The following CNOT4 variants were observed in gnomAD, a reference collection of about 807,000 sequenced individuals.
CNOT4 encodes the protein CCR4-NOT transcription complex subunit 4.
CNOT4 carries 8 observed loss-of-function variants against 73.8 expected under a neutral mutation model. That is an observed-to-expected ratio of 0.11 (90% CI 0.06 to 0.20). The LOEUF (loss-of-function observed/expected upper bound fraction) is 0.20. Ranked by LOEUF, CNOT4 falls within the 10% of genes least tolerant of loss-of-function variation. The pLI is 1.00. For missense variants in CNOT4, 564 were observed against 883.4 expected, an observed-to-expected ratio of 0.64 and a Z score of 4.58; for synonymous variants, 293 against 321.1, an observed-to-expected ratio of 0.91 and a Z score of 0.94.
intron 1 of CNOT4, among the ~76,000 whole-genome samples, chr7:135,453,357 A>C (rs1450167980): frequency 1.3e-5 from 2 of 152,036 alleles, no homozygotes; most frequent in African/African-American, 2.4e-5. Flanking sequence ...TCAGCTAGTC[A>C]CTTACATTCT....
intron 1 of CNOT4, among the ~76,000 whole-genome samples, chr7:135,451,482 T>C (rs1199807502): frequency 6.6e-6 from 1 of 152,010 alleles, no homozygotes; most frequent in Non-Finnish European, 1.5e-5. Context: ...TTAGTAGAAA[T>C]GGGGTTTCAT....
chr7:135,442,449 AT>A (rs1486391330), intron 1 of CNOT4, among the ~76,000 whole-genome samples: 1 of 151,960 alleles, frequency 6.6e-6, no homozygotes, highest in East Asian at 2.0e-4. Flanking sequence ...ATACAAAAAA[AT>A]TAGCCGAGCG....
At chr7:135,405,556 C>T (rs1339693951) in intron 7 of CNOT4, among the ~76,000 whole-genome samples, 1 of 152,180 alleles carries the variant, frequency 6.6e-6, no homozygotes, top group Admixed American at 6.5e-5. Context: ...TCACTTCCCA[C>T]TCTCATTACT....
At chr7:135,496,979 T>A (rs533780291) in intron 1 of CNOT4, among the ~76,000 whole-genome samples, 106 of 152,082 alleles carry the variant, frequency 7.0e-4, no homozygotes, top group Non-Finnish European at 1.1e-3. Flanking sequence ...GATAATTATT[T>A]TTTTTTTTTA....
intron 8 of CNOT4, 116 bp downstream of exon 8, chr7:135,398,053 A>G: frequency 1.5e-6 from 1 of 685,046 alleles, no homozygotes; most frequent in East Asian, 2.7e-5. Flanking sequence ...AAAGATGAGC[A>G]TCAAAAGTGT....
chr7:135,466,333 G>A (rs558552369), intron 1 of CNOT4, among the ~76,000 whole-genome samples: 4 of 151,560 alleles, frequency 2.6e-5, no homozygotes, highest in African/African-American at 7.3e-5. Flanking sequence ...AATTAGCCAG[G>A]CGTGGTGGCA....
intron 1 of CNOT4, among the ~76,000 whole-genome samples, chr7:135,507,479 A>T (rs1256235057): frequency 1.3e-5 from 2 of 152,232 alleles, no homozygotes; most frequent in Non-Finnish European, 2.9e-5. Context: ...TCTTCTTTAA[A>T]CGTACTAAAG....
At chr7:135,500,239 A>G (rs190041337) in intron 1 of CNOT4, among the ~76,000 whole-genome samples, 1 of 152,334 alleles carries the variant, frequency 6.6e-6, no homozygotes, top group East Asian at 1.9e-4. Flanking sequence ...CATGCTACAT[A>G]CAGTAGAGGA....
chr7:135,413,421 A>C, intron 6 of CNOT4, 67 bp downstream of exon 6: 1 of 1,557,682 alleles, frequency 6.4e-7, no homozygotes, highest in Non-Finnish European at 8.7e-7. Context: ...TGCTTTTGCA[A>C]TGTTAACTAA....
intron 1 of CNOT4, among the ~76,000 whole-genome samples, chr7:135,473,977 T>C (rs911422168): frequency 1.3e-4 from 20 of 149,274 alleles, no homozygotes; most frequent in African/African-American, 4.8e-4. Context: ...TTTTGTCTTT[T>C]TGTGGTTTTT....
intron 10 of CNOT4, among the ~76,000 whole-genome samples, chr7:135,369,310 T>C (rs985278539): frequency 6.6e-6 from 1 of 152,176 alleles, no homozygotes; most frequent in African/African-American, 2.4e-5. Flanking sequence ...CAAATCAGGA[T>C]ATTGTGCCGT....
At position 135,419,729 on chromosome 7, in the gene CNOT4, T is replaced by G. The variant is rs1585615312; in HGVS notation, c.372+2427A>C. On this transcript the variant is annotated intron_variant, in intron 3 of 11. Transcript: ENST00000541284. ...TAAGATTAATCTTACTAGAGTTACT[T>G]GAAACGGAAATAAGAAATCTCTGTA... Among the ~76,000 whole-genome samples the G allele has an allele frequency of 2.6e-5, 4 of 152,168 alleles. No individual in the cohort carries two copies. The East Asian group carries it at 5.8e-4, about 22-fold the overall frequency.
At chr7:135,408,868 G>A (rs1395519219) in intron 7 of CNOT4, among the ~76,000 whole-genome samples, 2 of 152,180 alleles carry the variant, frequency 1.3e-5, no homozygotes, top group Non-Finnish European at 2.9e-5. Flanking sequence ...TGGAGGGCAT[G>A]CTGTACACAA....
chr7:135,406,932 T>C lies in CNOT4; in HGVS notation c.821+3583A>G, dbSNP rs148816197. Among the ~76,000 whole-genome samples, 70 of 152,362 alleles carry C rather than the reference T, an allele frequency of 4.6e-4. 1 individual carries two copies. The East Asian group carries it at 0.01, about 22-fold the overall frequency. On this transcript the variant is annotated intron_variant, in intron 7 of 11. Transcript: ENST00000541284. ...AAGTAAATAATATAGTTTGAATGTA[T>C]GTCCCCACCAAATCTCCTGTTGAAT...
At chr7:135,454,180 A>C (rs1408286697) in intron 1 of CNOT4, among the ~76,000 whole-genome samples, 3 of 151,918 alleles carry the variant, frequency 2.0e-5, no homozygotes, top group Non-Finnish European at 4.4e-5. Context: ...CCTCACTTCT[A>C]TTATGACTCA....
At position 135,489,738 on chromosome 7, in the gene CNOT4, T is replaced by G. The variant is rs537787127; in HGVS notation, c.-93+20151A>C. Among the ~76,000 whole-genome samples, 24 of 152,226 alleles carry G rather than the reference T, an allele frequency of 1.6e-4. No individual in the cohort carries two copies. The South Asian group carries it at 2.1e-3, about 13-fold the overall frequency. ...GTGCTCAGTAGTCCCATATGGCTAG[T>G]GGGTACCATACTGGACAATAAAGGT... On this transcript the variant is annotated intron_variant, in intron 1 of 11. Coordinates refer to ENST00000541284, the MANE Select transcript of CNOT4 (RefSeq NM_001190850.2).
At chr7:135,476,319 C>T (rs1341447918) in intron 1 of CNOT4, among the ~76,000 whole-genome samples, 2 of 152,162 alleles carry the variant, frequency 1.3e-5, no homozygotes, top group African/African-American at 2.4e-5. Context: ...TGGTAATACA[C>T]ACAATCACAC....
In CNOT4 at chr7:135,395,689, T is replaced by C. The variant is rs1796640268; in HGVS notation, c.1074A>G (p.Pro358=). Residue 358 remains proline (P), a synonymous_variant, in exon 9 of 12, where the codon CCA becomes CCG. Coordinates refer to ENST00000541284, the MANE Select transcript of CNOT4 (RefSeq NM_001190850.2). ...PSGLPPFPSS[P]QTSSDWPTAP... ...CTGTAGGCCAGTCACTGGATGTCTG[T>C]GGGGAGCTGGGGAAAGGAGGAAGCC... 1.2e-6 allele frequency: 2 copies of C among 1,613,968 alleles called. No individual in the cohort carries two copies. The highest frequency in any genetic ancestry group is 1.3e-5 in the African/African-American group (1 of 75,000).
In CNOT4 at chr7:135,369,331, C is replaced by T. The variant is rs3812268; in HGVS notation, c.1628-5265G>A. On this transcript the variant is annotated intron_variant, in intron 10 of 11. Transcript: ENST00000541284. Reference sequence around the variant, plus strand: ...AGGATATTGTGCCGTCTTGGAATTCCTGCCTCTACTTTATTTTTGGTACCC... The same window carrying T: ...AGGATATTGTGCCGTCTTGGAATTCTTGCCTCTACTTTATTTTTGGTACCC... Among the ~76,000 whole-genome samples, 347 of 152,202 alleles carry T rather than the reference C, an allele frequency of 2.3e-3. 11 individuals are homozygous for T. The East Asian group carries it at 0.052, about 23-fold the overall frequency.
Sources: allele counts gnomAD v4.1 joint callset (sites outside exome capture counted in the v4.1 genomes callset), GRCh38; gene constraint gnomAD v4.1.1; transcripts MANE v1.5; gene names NCBI Gene and HGNC (gene_info 2026-07-23, HGNC 2026-07-21).